The following NGF variants were observed in gnomAD, a reference collection of about 807,000 sequenced individuals.
NGF encodes the protein beta-nerve growth factor.
A neutral mutation model predicts 12.8 loss-of-function variants in NGF; 4 were observed. The ratio of observed to expected loss-of-function variants is 0.31; its 90% confidence interval spans 0.15 to 0.72. NGF has a LOEUF of 0.72. NGF is among the 30% of genes least tolerant of loss of function. The pLI is 0.69. For missense variants in NGF, 283 were observed against 330.8 expected (o/e 0.86, Z 1.12); for synonymous variants, 140 against 130.0 (o/e 1.08, Z -0.52).
chr1:115,299,052 T>C (rs1653957311), intron 1 of NGF, among the ~76,000 whole-genome samples: 1 of 152,188 alleles, frequency 6.6e-6, no homozygotes, highest in Non-Finnish European at 1.5e-5. Context: ...TGAGGTTTGC[T>C]GAGAAGGAGC....
At position 115,285,974 on chromosome 1, in the gene NGF, C is replaced by A; in HGVS notation, c.*96G>T. The A allele has an allele frequency of 6.9e-7, 1 of 1,448,820 alleles. No individual in the cohort carries two copies. The highest frequency in any genetic ancestry group is 1.4e-5 in the South Asian group (1 of 73,932). 89.7% of individuals were successfully genotyped at this position (1,448,820 alleles called of 1,614,324 possible). A position where few individuals can be genotyped will look rare whatever the true frequency, so the allele number is the denominator to read the frequency against. On this transcript the variant is annotated 3_prime_UTR_variant, in exon 3 of 3. Coordinates refer to ENST00000369512, the MANE Select transcript of NGF (RefSeq NM_002506.3). ...TAAAACTGTATAAACTATAAATTAC[C>A]ATGCAGTCCTTATAATTTAAAATAA...
chr1:115,333,670 TTTCTTTCTTTCTTTCTTTCTTTC>T (rs1432911470), intron 1 of NGF, among the ~76,000 whole-genome samples: 6 of 56,324 alleles, frequency 1.1e-4, no homozygotes, highest in Admixed American at 8.7e-4. Context: ...TCTTTCTTTC[TTTCTTTCTTTCTTTCTTTCTTTC>T]TTTCTTTCTT....
At position 115,308,793 on chromosome 1, in the gene NGF, G is replaced by T. The variant is rs575783330; in HGVS notation, c.-136-15043C>A. Among the ~76,000 whole-genome samples, 115 of 152,286 alleles carry T rather than the reference G, an allele frequency of 7.6e-4. 1 individual carries two copies. The highest frequency in any genetic ancestry group is 2.7e-3 in the African/African-American group (111 of 41,556). On this transcript the variant is annotated intron_variant, in intron 1 of 2. Coordinates refer to ENST00000369512, the MANE Select transcript of NGF (RefSeq NM_002506.3). The stretch of plus-strand genomic sequence containing the variant: ...AGAAAGAAAGAGTGAAAATGAAGAA[G>T]CACTTAAAGAGTAAGGGTGATTCTT...
Position 115,304,329 on chromosome 1 carries a change from A to ATTTT in NGF, c.-136-10583_-136-10580dup, listed in dbSNP as rs58345237. 9.0e-4 allele frequency among the ~76,000 whole-genome samples: 73 copies of ATTTT among 80,826 alleles called. 5 individuals carry two copies. The South Asian group carries it at 0.013, about 15-fold the overall frequency. 53.0% of individuals were successfully genotyped at this position (80,826 alleles called of 152,430 possible). A position where few individuals can be genotyped will look rare whatever the true frequency, so the allele number is the denominator to read the frequency against. On this transcript the variant is annotated intron_variant, in intron 1 of 2. Transcript: ENST00000369512. ...AGGAGCGCACCACCATGCTTGGCTAATTTTTTTTTTTTTTTTGTATTTTTA... is the reference window on the plus strand; with the variant it reads ...AGGAGCGCACCACCATGCTTGGCTAATTTTTTTTTTTTTTTTTTTTGTATTTTTA...
intron 2 of NGF, among the ~76,000 whole-genome samples, chr1:115,289,466 A>G (rs1292945177): frequency 6.6e-6 from 1 of 152,104 alleles, no homozygotes; most frequent in Admixed American, 6.5e-5. Flanking sequence ...CTCCTCTTCT[A>G]AGGAGCCCAT....
At chr1:115,315,680 T>A (rs759121905) in intron 1 of NGF, among the ~76,000 whole-genome samples, 8 of 152,184 alleles carry the variant, frequency 5.3e-5, no homozygotes, top group Non-Finnish European at 1.2e-4. Context: ...AGGCAGTTGA[T>A]ATAGACATGT....
chr1:115,286,540 G>C lies in NGF; in HGVS notation c.256C>G (p.Arg86Gly). 6.2e-7 allele frequency: 1 copy of C among 1,614,208 alleles called. No homozygotes were observed. The highest frequency in any genetic ancestry group is 8.5e-7 in the Non-Finnish European group (1 of 1,180,040). Residue 86 changes from arginine (R) to glycine (G), a missense_variant, in exon 3 of 3, where the codon CGT (arginine) becomes GGT (glycine). Arg to Gly is a moderately radical substitution (Grantham distance 125, BLOSUM62 -2). This residue lies in a region of NGF where 151 missense variants were observed against 141.6 expected (regional missense o/e 1.07). Coordinates refer to ENST00000369512, the MANE Select transcript of NGF (RefSeq NM_002506.3). ...LFKKRRLRSP[R>G]VLFSTQPPRE... is the part of the protein sequence containing the mutation. ...GGAGGCTGGGTGCTAAACAGCACACGGGGTGAACGGAGTCGCCGCTTTTTA... is the reference window on the plus strand; with the variant it reads ...GGAGGCTGGGTGCTAAACAGCACACCGGGTGAACGGAGTCGCCGCTTTTTA...
chr1:115,333,703 TTCTTTCTTTCTTTTC>T (rs1655010029), intron 1 of NGF, among the ~76,000 whole-genome samples: 1 of 70,396 alleles, frequency 1.4e-5, no homozygotes, highest in African/African-American at 1.3e-4. Context: ...CTTTCTTTCT[TTCTTTCTTTCTTTTC>T]TTTCTTTCCT....
At chr1:115,295,240 T>C (rs1653830217) in intron 1 of NGF, among the ~76,000 whole-genome samples, 2 of 152,124 alleles carry the variant, frequency 1.3e-5, no homozygotes, top group Admixed American at 1.3e-4. Context: ...GATCTTCAAG[T>C]TACTAGAAAT....
At chr1:115,291,817 A>G (rs562583180) in intron 2 of NGF, among the ~76,000 whole-genome samples, 1 of 152,290 alleles carries the variant, frequency 6.6e-6, no homozygotes, top group Non-Finnish European at 1.5e-5. Flanking sequence ...TGTGGTTAGG[A>G]GGGCTGATGG....
At chr1:115,321,766 T>G (rs1029020732) in intron 1 of NGF, among the ~76,000 whole-genome samples, 4 of 152,184 alleles carry the variant, frequency 2.6e-5, no homozygotes, top group Admixed American at 2.0e-4. Context: ...TAGTATTAGA[T>G]TCATCCTAGT....
chr1:115,300,711 G>A (rs1270513736), intron 1 of NGF, among the ~76,000 whole-genome samples: 1 of 152,240 alleles, frequency 6.6e-6, no homozygotes, highest in African/African-American at 2.4e-5. Context: ...ACTCAGCCCA[G>A]CTTTGCCCAG....
chr1:115,328,973 C>A (rs1235343973), intron 1 of NGF, among the ~76,000 whole-genome samples: 1 of 151,872 alleles, frequency 6.6e-6, no homozygotes, highest in Non-Finnish European at 1.5e-5. Flanking sequence ...AAAAAGCAAA[C>A]CTTAGGGATA....
At chr1:115,317,141 G>A (rs980831960) in intron 1 of NGF, among the ~76,000 whole-genome samples, 1 of 152,128 alleles carries the variant, frequency 6.6e-6, no homozygotes, top group African/African-American at 2.4e-5. Context: ...TTTGCATGGT[G>A]GAGAGGGGAT....
At chr1:115,329,702 T>G (rs925684659) in intron 1 of NGF, among the ~76,000 whole-genome samples, 12 of 152,004 alleles carry the variant, frequency 7.9e-5, no homozygotes, top group Admixed American at 5.2e-4. Flanking sequence ...GCACACTAAG[T>G]TGATTTCACA....
At chr1:115,319,588 G>A (rs1654561573) in intron 1 of NGF, among the ~76,000 whole-genome samples, 1 of 152,204 alleles carries the variant, frequency 6.6e-6, no homozygotes, top group Admixed American at 6.5e-5. Flanking sequence ...TGGAATGGTA[G>A]TGCGGGTACA....
chr1:115,310,819 T>C (rs1654316791), intron 1 of NGF, among the ~76,000 whole-genome samples: 1 of 151,554 alleles, frequency 6.6e-6, no homozygotes, highest in Non-Finnish European at 1.5e-5. Context: ...CCAGCAAGCA[T>C]ATATATTGGT....
intron 1 of NGF, among the ~76,000 whole-genome samples, chr1:115,302,724 G>C (rs1306518897): frequency 2.0e-5 from 3 of 152,160 alleles, no homozygotes. Context: ...TTTTGTCCCC[G>C]GGAAGGTGGG....
At chr1:115,298,885 T>C (rs987973688) in intron 1 of NGF, among the ~76,000 whole-genome samples, 3 of 151,978 alleles carry the variant, frequency 2.0e-5, no homozygotes, top group Non-Finnish European at 4.4e-5. Flanking sequence ...TAAGGATGTG[T>C]TGTTGAGGAA....
Sources: allele counts gnomAD v4.1 joint callset (sites outside exome capture counted in the v4.1 genomes callset), GRCh38; gene constraint gnomAD v4.1.1; regional missense constraint gnomAD v4.1.1; transcripts MANE v1.5; gene names NCBI Gene and HGNC (gene_info 2026-07-23, HGNC 2026-07-21).